Variants in COL14A1 observed in about 807,000 individuals in gnomAD.
The protein encoded by COL14A1 is collagen type XIV alpha 1 chain.
Under a neutral mutation model 230.3 loss-of-function variants are expected in COL14A1, and 136 were observed. The ratio of observed to expected loss-of-function variants is 0.59; its 90% CI spans 0.51 to 0.68. The LOEUF (loss-of-function observed/expected upper bound fraction) is 0.68, where lower values mean the gene tolerates loss of function less well. Ranked by LOEUF, COL14A1 falls within the 30% of genes least tolerant of loss-of-function variation. The pLI is 0.00. For missense variants in COL14A1, 1,976 were observed against 2,215.8 expected (o/e 0.89, Z 2.17); for synonymous variants, 792 against 784.1 (o/e 1.01, Z -0.17).
Position 120,216,396 on chromosome 8 carries a change from C to T in COL14A1, c.1643C>T (p.Ser548Phe). 6.2e-7 allele frequency: 1 copy of T among 1,613,856 alleles called. No individual in the cohort carries two copies. The highest frequency in any genetic ancestry group is 1.7e-5 in the Admixed American group (1 of 60,002). ...AACCTGAGAATCTCCAATGTTGGCT[C>T]TAACAGTGCTCGATTAACCTGGGAC... is the stretch of plus-strand genomic sequence containing the variant. Reference protein sequence around the residue: ...PRNLRISNVGSNSARLTWDPT... With the variant: ...PRNLRISNVGFNSARLTWDPT... Residue 548 changes from serine (S) to phenylalanine (F), a missense_variant, in exon 14 of 48, where the codon TCT (serine) becomes TTT (phenylalanine). Coordinates refer to ENST00000297848, the MANE Select transcript of COL14A1 (RefSeq NM_021110.4).
chr8:120,256,462 C>T (rs976126593), intron 23 of COL14A1, among the ~76,000 whole-genome samples: 1 of 152,122 alleles, frequency 6.6e-6, no homozygotes, highest in South Asian at 2.1e-4. Context: ...AGAAGAAATT[C>T]CTGCCAATCC....
At chr8:120,128,234 T>TCAC (rs1563624814) in intron 1 of COL14A1, among the ~76,000 whole-genome samples, 2 of 133,086 alleles carry the variant, frequency 1.5e-5, no homozygotes, top group Non-Finnish European at 1.5e-5. Context: ...CGCGCGTGTG[T>TCAC]GTGTGTGTGT....
At chr8:120,215,116 T>C (rs955931503) in intron 13 of COL14A1, among the ~76,000 whole-genome samples, 5 of 152,210 alleles carry the variant, frequency 3.3e-5, no homozygotes, top group African/African-American at 1.2e-4. Flanking sequence ...ACGCCTGTAG[T>C]GCCAGCACTT....
chr8:120,338,377 G>C (rs898581409), intron 42 of COL14A1, among the ~76,000 whole-genome samples: 2 of 152,182 alleles, frequency 1.3e-5, no homozygotes, highest in Non-Finnish European at 2.9e-5. Context: ...GTGTACTCGG[G>C]ATGTGCATGG....
chr8:120,202,820 T>C (rs1687566619), intron 8 of COL14A1, among the ~76,000 whole-genome samples: 1 of 151,784 alleles, frequency 6.6e-6, no homozygotes, highest in African/African-American at 2.4e-5. Context: ...CACCCAACTT[T>C]GTGCTTGACC....
chr8:120,175,945 A>C (rs1350128412), intron 5 of COL14A1, among the ~76,000 whole-genome samples: 3 of 151,910 alleles, frequency 2.0e-5, no homozygotes, highest in Admixed American at 1.3e-4. Context: ...TACCTCTTAT[A>C]CTCCCATATT....
Position 120,305,001 on chromosome 8 carries a change from G to A in COL14A1, c.4401+4183G>A, listed in dbSNP as rs535824361. 2.7e-4 allele frequency among the ~76,000 whole-genome samples: 41 copies of A among 149,224 alleles called. No individual in the cohort carries two copies. In the South Asian group the frequency reaches 4.6e-3, roughly 17 times the overall value. ...AAACTTTTTTTTTTTTTTTTGAGAC[G>A]GAGTTTTGCTCTTGTTGCCCGGGCT... is the stretch of plus-strand genomic sequence containing the variant. On this transcript the variant is annotated intron_variant, in intron 36 of 47. Coordinates refer to ENST00000297848, the MANE Select transcript of COL14A1 (RefSeq NM_021110.4).
rs2305601 is a variant in COL14A1 at position 120,228,399 on chromosome 8, C to T, written c.2138-311C>T. Among the ~76,000 whole-genome samples, 4 of 152,310 alleles carry T rather than the reference C, an allele frequency of 2.6e-5. No homozygotes were observed. In the East Asian group the frequency reaches 7.7e-4, roughly 29 times the overall value. On this transcript the variant is annotated intron_variant, in intron 17 of 47. Coordinates refer to ENST00000297848, the MANE Select transcript of COL14A1 (RefSeq NM_021110.4). ...AGCACTGTCTAATTTCCCTTAATTA[C>T]CATGGCTGTGCCCCTATTTCAAAGT...
At position 120,247,735 on chromosome 8, in the gene COL14A1, G is replaced by A. The variant is rs561089944; in HGVS notation, c.2602G>A (p.Val868Ile). 3.1e-6 allele frequency: 5 copies of A among 1,613,196 alleles called. No individual in the cohort carries two copies. The highest frequency in any genetic ancestry group is 1.7e-4 in the Middle Eastern group (1 of 6,060). ...TAGAATTGTCTACAAACCTGTCAGT[G>A]GTAAGTAATGCTTTGTAAATAATGT... is the stretch of plus-strand genomic sequence containing the variant. ...GYRIVYKPVS[V>I]PGPTLETFVG... is the part of the protein sequence containing the mutation. Residue 868 changes from valine to isoleucine, a missense_variant and splice_region_variant, in exon 21 of 48, where the codon GTT (valine) becomes ATT (isoleucine). Val to Ile is a conservative substitution (Grantham distance 29). Transcript: ENST00000297848.
intron 2 of COL14A1, among the ~76,000 whole-genome samples, chr8:120,149,777 C>T (rs769091689): frequency 2.0e-5 from 3 of 151,438 alleles, no homozygotes; most frequent in Non-Finnish European, 4.4e-5. Flanking sequence ...TAACTGCAAC[C>T]TCTGCCTCCT....
chr8:120,234,524 G>C lies in COL14A1; in HGVS notation c.2349+2906G>C, dbSNP rs770502134. Among the ~76,000 whole-genome samples the C allele has an allele frequency of 3.9e-5, 6 of 152,200 alleles. No homozygotes were observed. The East Asian group carries it at 9.6e-4, about 24-fold the overall frequency. ...TTTATTAAGAGTTTTTAGCATGAAGGGGTGTTGAATTTTATTGAAGGCCTT... is the reference window on the plus strand; with the variant it reads ...TTTATTAAGAGTTTTTAGCATGAAGCGGTGTTGAATTTTATTGAAGGCCTT... On this transcript the variant is annotated intron_variant, in intron 19 of 47. Coordinates refer to ENST00000297848, the MANE Select transcript of COL14A1 (RefSeq NM_021110.4).
chr8:120,180,557 C>T (rs576259907), intron 5 of COL14A1, among the ~76,000 whole-genome samples: 142 of 152,286 alleles, frequency 9.3e-4, no homozygotes, highest in African/African-American at 3.4e-3. Context: ...CTCTCTCTTG[C>T]TTCTCCATCT....
At chr8:120,304,576 G>A (rs1370339640) in intron 36 of COL14A1, among the ~76,000 whole-genome samples, 1 of 152,152 alleles carries the variant, frequency 6.6e-6, no homozygotes, top group Non-Finnish European at 1.5e-5. Flanking sequence ...GTGAATCATT[G>A]TGAATGAAAC....
intron 40 of COL14A1, among the ~76,000 whole-genome samples, chr8:120,326,828 C>T (rs954713036): frequency 6.6e-6 from 1 of 152,076 alleles, no homozygotes; most frequent in African/African-American, 2.4e-5. Context: ...GAGTTTGAGA[C>T]CAGCCTGGCC....
At chr8:120,244,758 T>C (rs1285747081) in intron 20 of COL14A1, among the ~76,000 whole-genome samples, 1 of 152,158 alleles carries the variant, frequency 6.6e-6, no homozygotes, top group Non-Finnish European at 1.5e-5. Flanking sequence ...TCCAGATGAG[T>C]GTACTAGCCT....
At chr8:120,226,587 T>G (rs745360726) in intron 15 of COL14A1, 40 bp from the exon 16 acceptor site, 1 of 1,608,634 alleles carries the variant, frequency 6.2e-7, no homozygotes, top group South Asian at 1.1e-5. Context: ...CTTTCTTGCC[T>G]TCTCATTTCC....
Position 120,335,590 on chromosome 8 carries a change from A to C in COL14A1, c.4785+2855A>C, listed in dbSNP as rs550745204. On this transcript the variant is annotated intron_variant, in intron 42 of 47. Coordinates refer to ENST00000297848, the MANE Select transcript of COL14A1 (RefSeq NM_021110.4). ...GTGTTAAGGCCTGGATTGATTTCCC[A>C]TGGATGTCTGTCTAGGAAGGCATGA... Among the ~76,000 whole-genome samples, 12 of 152,244 alleles carry C rather than the reference A, an allele frequency of 7.9e-5. No homozygotes were observed. The South Asian group carries it at 2.5e-3, about 32-fold the overall frequency.
intron 34 of COL14A1, among the ~76,000 whole-genome samples, chr8:120,291,970 A>C (rs965805460): frequency 1.3e-5 from 2 of 152,172 alleles, no homozygotes; most frequent in African/African-American, 4.8e-5. Context: ...TTCTCAAGAA[A>C]CATTTGATAG....
chr8:120,344,237 A>G (rs572538939), intron 44 of COL14A1, among the ~76,000 whole-genome samples: 2 of 152,316 alleles, frequency 1.3e-5, no homozygotes, highest in South Asian at 2.1e-4. Flanking sequence ...TGGTACCTCA[A>G]CCATCTTGCC....
Sources: gnomAD v4.1 joint callset for allele counts (sites outside exome capture counted in the v4.1 genomes callset) on GRCh38, gnomAD v4.1.1 for gene constraint, MANE v1.5 for transcripts, NCBI Gene and HGNC (gene_info 2026-07-23, HGNC 2026-07-21) for gene names.